The following OTOGL variants were observed in gnomAD, a reference collection of about 807,000 sequenced individuals.
The protein encoded by OTOGL is otogelin like, also known as otogelin-like protein.
In OTOGL, 285 loss-of-function variants were observed where a neutral mutation model predicts 318.5. The ratio of observed to expected loss-of-function variants is 0.89; its 90% CI spans 0.81 to 0.99. The LOEUF is 0.99. Among genes scored for constraint, OTOGL ranks in the 50% least tolerant of loss-of-function variants. OTOGL has a pLI of 0.00. For synonymous variants in OTOGL, 987 were observed against 936.5 expected, an observed-to-expected ratio of 1.05 and a Z score of -0.99; for missense variants, 2,899 against 2,845.6, an observed-to-expected ratio of 1.02 and a Z score of -0.43.
chr12:80,315,146 T>G (rs547305187), intron 32 of OTOGL, among the ~76,000 whole-genome samples: 119 of 152,286 alleles, frequency 7.8e-4, no homozygotes, highest in Non-Finnish European at 1.1e-3. Context: ...GAGGAATAAG[T>G]TCTGGTATCT....
At chr12:80,125,209 C>A (rs1035893776) in intron 1 of OTOGL, among the ~76,000 whole-genome samples, 11 of 152,134 alleles carry the variant, frequency 7.2e-5, no homozygotes, top group African/African-American at 2.2e-4. Context: ...TGAGATATGT[C>A]CCATCAATAC....
intron 28 of OTOGL, among the ~76,000 whole-genome samples, chr12:80,303,532 A>C (rs919021454): frequency 2.6e-5 from 4 of 152,210 alleles, no homozygotes; most frequent in African/African-American, 9.7e-5. Context: ...GCATTGTATT[A>C]GTCCATTTTC....
Position 80,149,709 on chromosome 12 carries a change from C to G in OTOGL, c.-20+50104C>G, listed in dbSNP as rs571841250. ...GTTTGATCTCAGACTGCTGTGCTAG[C>G]AATCATCGAGACTCCATGGGCGTAG... On this transcript the variant is annotated intron_variant, in intron 1 of 58. Transcript: ENST00000547103. Among the ~76,000 whole-genome samples, 129 of 152,322 alleles carry G rather than the reference C, an allele frequency of 8.5e-4. 2 individuals carry two copies. The highest frequency in any genetic ancestry group is 2.9e-3 in the African/African-American group (120 of 41,572).
At chr12:80,362,828 A>G (rs1263575892) in intron 52 of OTOGL, among the ~76,000 whole-genome samples, 2 of 152,106 alleles carry the variant, frequency 1.3e-5, no homozygotes, top group South Asian at 2.1e-4. Flanking sequence ...TCACAAAGCT[A>G]TGAGGTAATA....
intron 55 of OTOGL, 32 bp from the exon 56 acceptor site, chr12:80,370,538 T>C (rs1169957935): frequency 2.8e-6 from 4 of 1,444,522 alleles, no homozygotes; most frequent in Non-Finnish European, 3.7e-6. Flanking sequence ...GATTTTAATA[T>C]GCTAAATAGT....
chr12:80,250,864 GA>G (rs1881480941), intron 11 of OTOGL, among the ~76,000 whole-genome samples: 1 of 152,302 alleles, frequency 6.6e-6, no homozygotes. Flanking sequence ...CTGCTTACTT[GA>G]TAAGTGCCTT....
At chr12:80,279,235 T>C in intron 26 of OTOGL, 69 bp downstream of exon 26, 1 of 1,369,790 alleles carries the variant, frequency 7.3e-7, no homozygotes, top group Non-Finnish European at 9.9e-7. Context: ...AGTATGCTGG[T>C]CCCTGATATA....
chr12:80,130,211 T>C (rs766014572), intron 1 of OTOGL, among the ~76,000 whole-genome samples: 6 of 152,210 alleles, frequency 3.9e-5, no homozygotes, highest in African/African-American at 1.4e-4. Context: ...TGCCCTGTGT[T>C]TGGAAGAGGC....
intron 1 of OTOGL, among the ~76,000 whole-genome samples, chr12:80,121,509 C>A (rs923598064): frequency 3.3e-5 from 5 of 152,200 alleles, no homozygotes; most frequent in African/African-American, 1.2e-4. Context: ...CTCCCTAGAG[C>A]AGAGAGTCTA....
At chr12:80,355,971 G>A in intron 47 of OTOGL, 23 bp downstream of exon 47, 1 of 1,599,894 alleles carries the variant, frequency 6.3e-7, no homozygotes, top group Non-Finnish European at 8.6e-7. Flanking sequence ...AAGCCTTATA[G>A]TCAATTGATT....
At chr12:80,140,825 TAA>T (rs1300121296) in intron 1 of OTOGL, among the ~76,000 whole-genome samples, 1 of 152,200 alleles carries the variant, frequency 6.6e-6, no homozygotes, top group African/African-American at 2.4e-5. Flanking sequence ...AATTTCTGAC[TAA>T]GAGAGAAGAA....
chr12:80,205,455 A>C (rs1188114143), intron 1 of OTOGL, among the ~76,000 whole-genome samples: 2 of 152,206 alleles, frequency 1.3e-5, no homozygotes, highest in East Asian at 3.8e-4. Flanking sequence ...TGCTTATGAA[A>C]TATAATCATA....
intron 1 of OTOGL, among the ~76,000 whole-genome samples, chr12:80,160,578 A>G (rs533427471): frequency 8.5e-5 from 13 of 152,238 alleles, no homozygotes; most frequent in African/African-American, 2.9e-4. Context: ...AAAATAACCA[A>G]AATCATAGGT....
chr12:80,358,961 A>C (rs1890082026), intron 52 of OTOGL, 61 bp downstream of exon 52: 1 of 1,279,748 alleles, frequency 7.8e-7, no homozygotes, highest in Admixed American at 2.5e-5. Flanking sequence ...TTCTTCCTTT[A>C]TCTCTCTCAT....
chr12:80,158,939 T>C (rs1873311186), intron 1 of OTOGL, among the ~76,000 whole-genome samples: 1 of 152,168 alleles, frequency 6.6e-6, no homozygotes. Flanking sequence ...TTTAAACTTT[T>C]CCCTGTTCAG....
intron 1 of OTOGL, among the ~76,000 whole-genome samples, chr12:80,114,836 C>G (rs1442370858): frequency 2.0e-5 from 3 of 151,596 alleles, no homozygotes; most frequent in Non-Finnish European, 4.4e-5. Flanking sequence ...TTTCTCTAAT[C>G]TTGTCTTTAC....
chr12:80,216,176 A>C (rs962471466), intron 4 of OTOGL, among the ~76,000 whole-genome samples: 6 of 152,116 alleles, frequency 3.9e-5, no homozygotes, highest in Admixed American at 6.6e-5. Context: ...GCACGGGTAG[A>C]TTTTCCTGTT....
chr12:80,263,875 G>T (rs79392319), intron 19 of OTOGL, among the ~76,000 whole-genome samples: 2 of 151,886 alleles, frequency 1.3e-5, no homozygotes, highest in Non-Finnish European at 2.9e-5. Flanking sequence ...AGCCTCTTTG[G>T]TGTATTACTT....
chr12:80,285,064 AG>A, intron 26 of OTOGL, among the ~76,000 whole-genome samples: 1 of 152,190 alleles, frequency 6.6e-6, no homozygotes, highest in South Asian at 2.1e-4. Context: ...ATAAGGTGTA[AG>A]GAAGGGGTCC....
Sources: gnomAD v4.1 joint callset for allele counts (sites outside exome capture counted in the v4.1 genomes callset) on GRCh38, gnomAD v4.1.1 for gene constraint, MANE v1.5 for transcripts, NCBI Gene and HGNC (gene_info 2026-07-23, HGNC 2026-07-21) for gene names.